PAPPA2: variants seen among roughly 807,000 people sequenced by gnomAD.
The protein encoded by PAPPA2 is pappalysin 2.
In PAPPA2, 86 loss-of-function variants were observed where a neutral mutation model predicts 176.4. That is an observed-to-expected ratio of 0.49 (90% CI 0.41 to 0.58). The LOEUF (loss-of-function observed/expected upper bound fraction) is 0.58, where lower values mean the gene tolerates loss of function less well. Ranked by LOEUF, PAPPA2 falls within the 20% of genes least tolerant of loss-of-function variation. The pLI is 0.00. For synonymous variants in PAPPA2, 809 were observed against 852.2 expected, an observed-to-expected ratio of 0.95 and a Z score of 0.88; for missense variants, 2,073 against 2,256.9, an observed-to-expected ratio of 0.92 and a Z score of 1.65.
chr1:176,584,716 T>G (rs890463006), intron 2 of PAPPA2, among the ~76,000 whole-genome samples: 3 of 87,344 alleles, frequency 3.4e-5, no homozygotes, highest in African/African-American at 1.3e-4. Flanking sequence ...TCTGCAGTGA[T>G]AAGGTTTGTT....
At chr1:176,510,846 CACAT>C (rs1164987900) in intron 1 of PAPPA2, among the ~76,000 whole-genome samples, 196 of 149,496 alleles carry the variant, frequency 1.3e-3, no homozygotes, top group East Asian at 5.7e-3. Context: ...CACACACACA[CACAT>C]ACCCCAAAAA....
intron 4 of PAPPA2, among the ~76,000 whole-genome samples, chr1:176,679,241 G>A (rs767545011): frequency 1.2e-3 from 176 of 152,046 alleles, no homozygotes; most frequent in Non-Finnish European, 2.1e-3. Flanking sequence ...CTATGGTCAC[G>A]TAGACTAATC....
At position 176,843,564 on chromosome 1, in the gene PAPPA2, A is replaced by C. The variant is rs1041524559; in HGVS notation, c.*1110A>C. ...GATTACAGGAACTCACACACTCCTC[A>C]TACTTGGCCTGTAGTCCTACTTCTT... is the stretch of plus-strand genomic sequence containing the variant. On this transcript the variant is annotated 3_prime_UTR_variant, in exon 23 of 23. Transcript: ENST00000367662. 3 of 152,120 alleles carry C rather than the reference A, an allele frequency of 2.0e-5. No individual in the cohort carries two copies. Among genetic ancestry groups the C allele is most frequent in the Non-Finnish European group, 2.9e-5 (2 of 68,020 alleles). 9.4% of individuals were successfully genotyped at this position (152,120 alleles called of 1,614,324 possible). A position where few individuals can be genotyped will look rare whatever the true frequency, so the allele number is the denominator to read the frequency against.
chr1:176,577,601 A>C (rs1263151060), intron 2 of PAPPA2, among the ~76,000 whole-genome samples: 1 of 151,374 alleles, frequency 6.6e-6, no homozygotes, highest in Non-Finnish European at 1.5e-5. Flanking sequence ...ACTTTCTCCC[A>C]CTCTTCCTGC....
intron 14 of PAPPA2, among the ~76,000 whole-genome samples, chr1:176,752,726 A>G (rs1053769176): frequency 6.6e-6 from 1 of 152,236 alleles, no homozygotes. Flanking sequence ...TTAGTCATCC[A>G]AATGACACAA....
At chr1:176,813,850 A>G (rs933417889) in intron 21 of PAPPA2, among the ~76,000 whole-genome samples, 2 of 152,212 alleles carry the variant, frequency 1.3e-5, no homozygotes, top group African/African-American at 4.8e-5. Flanking sequence ...TTTAGTCATT[A>G]AATCTTTTCC....
chr1:176,471,397 T>C (rs1028192399), intron 1 of PAPPA2, among the ~76,000 whole-genome samples: 1 of 152,218 alleles, frequency 6.6e-6, no homozygotes, highest in African/African-American at 2.4e-5. Flanking sequence ...TGTGTGTCTG[T>C]GTGTTTTTAA....
chr1:176,791,756 G>T (rs1665188259), intron 19 of PAPPA2, among the ~76,000 whole-genome samples: 1 of 152,052 alleles, frequency 6.6e-6, no homozygotes, highest in African/African-American at 2.4e-5. Flanking sequence ...GCTTCACCAG[G>T]TTGGCCAGGC....
chr1:176,706,471 C>G, intron 10 of PAPPA2, 21 bp downstream of exon 10: 1 of 1,600,676 alleles, frequency 6.2e-7, no homozygotes, highest in Non-Finnish European at 8.6e-7. Flanking sequence ...GAGTTTCAGT[C>G]TAAGATTGTG....
intron 17 of PAPPA2, among the ~76,000 whole-genome samples, chr1:176,786,361 T>C (rs1664934815): frequency 6.6e-6 from 1 of 152,000 alleles, no homozygotes. Flanking sequence ...CAAAGTAGTA[T>C]GCTGTGAGGG....
intron 3 of PAPPA2, among the ~76,000 whole-genome samples, chr1:176,648,872 A>G (rs1322958969): frequency 6.6e-6 from 1 of 151,498 alleles, no homozygotes; most frequent in Non-Finnish European, 1.5e-5. Context: ...TATGTTCGTT[A>G]GGGATATTGG....
chr1:176,524,274 C>T (rs1204026960), intron 1 of PAPPA2, among the ~76,000 whole-genome samples: 2 of 152,156 alleles, frequency 1.3e-5, no homozygotes, highest in Non-Finnish European at 2.9e-5. Context: ...CATGGCAGCA[C>T]CTCCTCTGGC....
intron 7 of PAPPA2, among the ~76,000 whole-genome samples, 193 bp from the exon 8 acceptor site, chr1:176,698,907 C>A (rs1202690393): frequency 6.6e-6 from 1 of 152,166 alleles, no homozygotes; most frequent in South Asian, 2.1e-4. Flanking sequence ...GATGGGGTAA[C>A]AAGAGTGTAA....
At chr1:176,696,068 C>CTAACA (rs1660368881) in intron 7 of PAPPA2, among the ~76,000 whole-genome samples, 2 of 151,336 alleles carry the variant, frequency 1.3e-5, no homozygotes, top group Admixed American at 1.3e-4. Flanking sequence ...CCATATGTGC[C>CTAACA]TAACATGGAG....
At chr1:176,569,042 C>A (rs564652976) in intron 2 of PAPPA2, among the ~76,000 whole-genome samples, 1 of 152,270 alleles carries the variant, frequency 6.6e-6, no homozygotes, top group East Asian at 1.9e-4. Context: ...ACACACATAC[C>A]CATGCATACT....
chr1:176,709,992 G>C lies in PAPPA2; in HGVS notation c.3467G>C (p.Ser1156Thr). 1 of 1,602,390 alleles carries C rather than the reference G, an allele frequency of 6.2e-7. No homozygotes were observed. The highest frequency in any genetic ancestry group is 1.7e-4 in the Middle Eastern group (1 of 5,970). Residue 1156 changes from serine (S) to threonine (T), a missense_variant, in exon 11 of 23, where the codon AGC becomes ACC. Physicochemically the swap from Ser to Thr is moderately conservative, Grantham distance 58 (BLOSUM62 1). Coordinates refer to ENST00000367662, the MANE Select transcript of PAPPA2 (RefSeq NM_020318.3). ...EEGFNCVGEP[S>T]LCYMYEGDGI... ...CAATATTTCTTGGCAGGAGAGCCAA[G>C]CCTTTGCTACATGTATGAGGGAGAT...
intron 1 of PAPPA2, among the ~76,000 whole-genome samples, chr1:176,554,612 C>T (rs1250343181): frequency 6.6e-6 from 1 of 152,168 alleles, no homozygotes; most frequent in Non-Finnish European, 1.5e-5. Flanking sequence ...TTCCTTGGGT[C>T]TAGCTGTTCA....
intron 1 of PAPPA2, among the ~76,000 whole-genome samples, chr1:176,491,301 A>G (rs979693387): frequency 2.0e-5 from 3 of 152,216 alleles, no homozygotes; most frequent in African/African-American, 4.8e-5. Flanking sequence ...TGTGTGGATT[A>G]GATGCTATAG....
chr1:176,475,662 A>G (rs1195807854), intron 1 of PAPPA2, among the ~76,000 whole-genome samples: 1 of 152,232 alleles, frequency 6.6e-6, no homozygotes, highest in Non-Finnish European at 1.5e-5. Flanking sequence ...GAAAAATGTC[A>G]TCCAGTAATA....
Sources: gnomAD v4.1 joint callset for allele counts (sites outside exome capture counted in the v4.1 genomes callset) on GRCh38, gnomAD v4.1.1 for gene constraint, MANE v1.5 for transcripts, NCBI Gene and HGNC (gene_info 2026-07-23, HGNC 2026-07-21) for gene names.